Variants in LRRK2 observed in about 807,000 individuals in gnomAD.
LRRK2 encodes leucine-rich repeat serine/threonine-protein kinase 2.
Under a neutral mutation model 302.6 loss-of-function variants are expected in LRRK2, and 203 were observed. That is an observed-to-expected ratio of 0.67 (90% CI 0.60 to 0.75). The LOEUF (loss-of-function observed/expected upper bound fraction) is 0.75. Ranked by LOEUF, LRRK2 falls within the 30% of genes least tolerant of loss-of-function variation. The pLI is 0.00. For missense variants in LRRK2, 2,830 were observed against 2,951.0 expected, an observed-to-expected ratio of 0.96 and a Z score of 0.95; for synonymous variants, 1,066 against 1,031.9, an observed-to-expected ratio of 1.03 and a Z score of -0.63.
At chr12:40,349,509 TTTC>T (rs61579260) in intron 43 of LRRK2, among the ~76,000 whole-genome samples, 116,368 of 151,646 alleles carry the variant, frequency 0.77, 45,491 homozygotes, top group Non-Finnish European at 0.85. Flanking sequence ...TTGTATTCTT[TTTC>T]TTATTTATTT....
intron 31 of LRRK2, chr12:40,312,802 T>C (rs7137160): frequency 0.57 from 85,923 of 151,624 alleles, 24,482 homozygotes; most frequent in South Asian, 0.69. Flanking sequence ...CTCTTGTTTA[T>C]TTTTATATGG....
chr12:40,304,671 A>G (rs1255894966), intron 27 of LRRK2: 1 of 153,284 alleles, frequency 6.5e-6, no homozygotes, highest in African/African-American at 2.4e-5. Context: ...TTATAGTACT[A>G]GCTCATAAAG....
At chr12:40,291,755 G>A (rs773076274) in intron 20 of LRRK2, among the ~76,000 whole-genome samples, 1 of 151,880 alleles carries the variant, frequency 6.6e-6, no homozygotes, top group Non-Finnish European at 1.5e-5. Flanking sequence ...AGTTTTCTGT[G>A]ACTTCACTGA....
At chr12:40,253,063 G>A in intron 11 of LRRK2, 47 bp downstream of exon 11, 1 of 1,292,230 alleles carries the variant, frequency 7.7e-7, no homozygotes, top group Non-Finnish European at 1.1e-6. Context: ...ACATTTTTGT[G>A]GTATTTTTAA....
At position 40,277,906 on chromosome 12, in the gene LRRK2, G is replaced by T; in HGVS notation, c.1960G>T (p.Ala654Ser). 1 of 1,609,470 alleles carries T rather than the reference G, an allele frequency of 6.2e-7. No homozygotes were observed. Residue 654 changes from alanine (A) to serine (S), a missense_variant, in exon 17 of 51, where the codon GCA (alanine) becomes TCA (serine). By Grantham distance (99) the Ala-to-Ser change is moderately conservative. Coordinates refer to ENST00000298910, the MANE Select transcript of LRRK2 (RefSeq NM_198578.4). ...IQTKGFQTIL[A>S]ILKLSASFSK... The stretch of plus-strand genomic sequence containing the variant: ...CTTTTAGGGATTTCAGACAATCTTA[G>T]CAATCCTCAAATTGTCAGCATCTTT...
At chr12:40,271,076 C>T (rs1943216400) in intron 14 of LRRK2, among the ~76,000 whole-genome samples, 1 of 152,004 alleles carries the variant, frequency 6.6e-6, no homozygotes, top group Admixed American at 6.6e-5. Context: ...CGTGACCAGC[C>T]TAAATATCTA....
intron 6 of LRRK2, among the ~76,000 whole-genome samples, chr12:40,243,164 A>G (rs1449917980): frequency 6.6e-6 from 1 of 151,876 alleles, no homozygotes; most frequent in Non-Finnish European, 1.5e-5. Flanking sequence ...TGGAAAAAAA[A>G]AAAAGAAATA....
chr12:40,229,654 A>G (rs1458850111), intron 2 of LRRK2, among the ~76,000 whole-genome samples: 1 of 152,218 alleles, frequency 6.6e-6, no homozygotes, highest in Non-Finnish European at 1.5e-5. Flanking sequence ...TTGAGTTTTT[A>G]GAATAATTAT....
At chr12:40,342,275 C>T (rs574943489) in intron 41 of LRRK2, among the ~76,000 whole-genome samples, 1 of 152,304 alleles carries the variant, frequency 6.6e-6, no homozygotes, top group East Asian at 1.9e-4. Context: ...CAGTATCTGA[C>T]TTCCTGGTTT....
At chr12:40,314,207 A>G (rs1381536892) in intron 32 of LRRK2, 34 bp downstream of exon 32, 1 of 1,577,912 alleles carries the variant, frequency 6.3e-7, no homozygotes, top group South Asian at 1.1e-5. Context: ...TTCAAAGCTC[A>G]GCTGTAGTAA....
chr12:40,258,640 A>C (rs1440196819), intron 12 of LRRK2, among the ~76,000 whole-genome samples: 2 of 152,318 alleles, frequency 1.3e-5, no homozygotes, highest in East Asian at 3.9e-4. Flanking sequence ...ACTGATAAGT[A>C]AACAGATTAT....
At chr12:40,275,056 G>T in intron 16 of LRRK2, 63 bp downstream of exon 16, 1 of 1,579,068 alleles carries the variant, frequency 6.3e-7, no homozygotes, top group Non-Finnish European at 8.7e-7. Context: ...GGAGCAGTTT[G>T]TGTAATTCCC....
chr12:40,307,458 A>G (rs1226278408), intron 28 of LRRK2, among the ~76,000 whole-genome samples: 3 of 152,084 alleles, frequency 2.0e-5, no homozygotes, highest in East Asian at 1.9e-4. Context: ...AAACACTTCT[A>G]TTTCATTCAG....
chr12:40,366,254 T>C (rs1167857720), intron 49 of LRRK2: 1 of 151,896 alleles, frequency 6.6e-6, no homozygotes, highest in East Asian at 1.9e-4. Flanking sequence ...TTTCTTTGCT[T>C]AGTTAACATA....
intron 41 of LRRK2, among the ~76,000 whole-genome samples, chr12:40,343,816 A>C (rs1464894910): frequency 6.6e-6 from 1 of 152,202 alleles, no homozygotes; most frequent in Non-Finnish European, 1.5e-5. Flanking sequence ...TCTACCACTT[A>C]ATAGTGGCAT....
intron 14 of LRRK2, among the ~76,000 whole-genome samples, chr12:40,266,226 T>G (rs999806754): frequency 1.1e-4 from 17 of 151,914 alleles, no homozygotes; most frequent in African/African-American, 3.9e-4. Context: ...ACCTACAGAA[T>G]GGGAGAAAAT....
intron 46 of LRRK2, among the ~76,000 whole-genome samples, chr12:40,357,466 C>T (rs2137020742): frequency 6.6e-6 from 1 of 152,134 alleles, no homozygotes; most frequent in East Asian, 1.9e-4. Context: ...TCAGTAGTAA[C>T]ATTGTTGGAT....
At chr12:40,252,868 T>C (rs1363986746) in intron 10 of LRRK2, 42 bp from the exon 11 acceptor site, 2 of 1,288,506 alleles carry the variant, frequency 1.6e-6, no homozygotes, top group Non-Finnish European at 2.3e-6. Context: ...GAGATAGTTA[T>C]TTAAAAGATT....
At chr12:40,298,524 T>C (rs760757055) in intron 24 of LRRK2, 31 bp downstream of exon 24, 78 of 1,612,824 alleles carry the variant, frequency 4.8e-5, no homozygotes, top group Non-Finnish European at 6.3e-5. Flanking sequence ...AATAAAAGGG[T>C]TGCCTAAATA....
Sources: allele counts gnomAD v4.1 joint callset (sites outside exome capture counted in the v4.1 genomes callset), GRCh38; gene constraint gnomAD v4.1.1; transcripts MANE v1.5; gene names NCBI Gene and HGNC (gene_info 2026-07-23, HGNC 2026-07-21).